SNX29: variants seen among roughly 807,000 people sequenced by gnomAD.
SNX29 encodes the protein sorting nexin-29.
SNX29 carries 78 observed loss-of-function variants against 102.1 expected under a neutral mutation model. The ratio of observed to expected loss-of-function variants is 0.76; its 90% CI spans 0.64 to 0.92. SNX29 has a LOEUF of 0.92. SNX29 is among the 40% of genes least tolerant of loss of function. The pLI, the probability that SNX29 is intolerant of heterozygous loss-of-function variation, is 0.00. For missense variants in SNX29, 1,280 were observed against 1,061.7 expected (o/e 1.21, Z -2.86); for synonymous variants, 580 against 414.5 (o/e 1.40, Z -4.85).
At chr16:12,372,791 G>A (rs889730135) in intron 16 of SNX29, 4 of 152,200 alleles carry the variant, frequency 2.6e-5, no homozygotes, top group African/African-American at 9.7e-5. Flanking sequence ...GGTATCAATC[G>A]ACATGGTTTG....
chr16:12,099,152 G>A (rs1426592544), intron 11 of SNX29, among the ~76,000 whole-genome samples: 1 of 152,226 alleles, frequency 6.6e-6, no homozygotes, highest in East Asian at 1.9e-4. Context: ...CTGAGGTTCT[G>A]TTTTCTCTTC....
In SNX29 at chr16:12,464,609, C is replaced by G. The variant is rs2086968325; in HGVS notation, c.2038-13110C>G. Among the ~76,000 whole-genome samples, 4 of 151,848 alleles carry G rather than the reference C, an allele frequency of 2.6e-5. 1 individual carries two copies. The highest frequency in any genetic ancestry group is 1.3e-4 in the Admixed American group (2 of 15,236). ...GCTGGGACTTACAGGCATGTACCACCACACCTGGCTAATTTTTAAACTTTT... is the reference window on the plus strand; with the variant it reads ...GCTGGGACTTACAGGCATGTACCACGACACCTGGCTAATTTTTAAACTTTT... On this transcript the variant is annotated intron_variant, in intron 18 of 20. Transcript: ENST00000566228.
chr16:12,514,495 A>AC (rs2089774836), intron 19 of SNX29, among the ~76,000 whole-genome samples: 1 of 151,306 alleles, frequency 6.6e-6, no homozygotes, highest in Non-Finnish European at 1.5e-5. Context: ...TCTTGTTTCT[A>AC]CCCCCCAACT....
At chr16:12,448,309 C>T (rs1653988332) in intron 18 of SNX29, among the ~76,000 whole-genome samples, 1 of 151,872 alleles carries the variant, frequency 6.6e-6, no homozygotes, top group Admixed American at 6.5e-5. Context: ...TCCTCAGATC[C>T]CTGTCTTTGG....
At chr16:12,448,464 G>C (rs568655582) in intron 18 of SNX29, among the ~76,000 whole-genome samples, 49 of 120,546 alleles carry the variant, frequency 4.1e-4, no homozygotes, top group African/African-American at 1.6e-3. Context: ...CAAGGCAATT[G>C]GGAACTCTTT....
intron 15 of SNX29, among the ~76,000 whole-genome samples, chr16:12,292,280 C>T (rs2079824249): frequency 6.6e-6 from 1 of 152,128 alleles, no homozygotes; most frequent in Admixed American, 6.6e-5. Context: ...TCCATAGTTC[C>T]TTTTTTAGCA....
In SNX29 at chr16:12,196,254, G is replaced by A. The variant is rs535697557; in HGVS notation, c.1596-3347G>A. Among the ~76,000 whole-genome samples the A allele has an allele frequency of 1.3e-3, 201 of 152,182 alleles. 1 individual carries two copies. The highest frequency in any genetic ancestry group is 2.1e-4 in the Non-Finnish European group (14 of 68,006). ...CCAGGTGGGTAGCATGAGCCACCAC[G>A]CCTGGTCTTCAGTTTTTTCATGTGT... is the stretch of plus-strand genomic sequence containing the variant. On this transcript the variant is annotated intron_variant, in intron 13 of 20. Transcript: ENST00000566228.
At chr16:12,429,850 T>C (rs962493837) in intron 18 of SNX29, among the ~76,000 whole-genome samples, 1 of 152,224 alleles carries the variant, frequency 6.6e-6, no homozygotes, top group African/African-American at 2.4e-5. Flanking sequence ...AGAAAGGGCA[T>C]GGACTTTTGT....
intron 20 of SNX29, among the ~76,000 whole-genome samples, chr16:12,544,618 A>G (rs960683050): frequency 6.6e-6 from 1 of 152,198 alleles, no homozygotes; most frequent in Non-Finnish European, 1.5e-5. Flanking sequence ...ACTCTGCGTC[A>G]TGCCTTGGGA....
chr16:12,350,196 A>G (rs1177504960), intron 15 of SNX29, among the ~76,000 whole-genome samples: 1 of 152,172 alleles, frequency 6.6e-6, no homozygotes, highest in East Asian at 1.9e-4. Context: ...GGCCCTCTGT[A>G]TCTGCGACTC....
At chr16:12,537,626 T>G (rs578113039) in intron 20 of SNX29, among the ~76,000 whole-genome samples, 2 of 152,250 alleles carry the variant, frequency 1.3e-5, no homozygotes, top group East Asian at 1.9e-4. Flanking sequence ...ATGATTGAGT[T>G]GGCAGCTTAG....
rs3891808 is a variant in SNX29, at chr16:12,044,124, G to A, written c.428+1047G>A. Reference sequence around the variant, plus strand: ...TTTGTGTCCTTGAGTGATACGGAGCGACACTGACGAATCCTGTTCTGGTTC... The same window carrying A: ...TTTGTGTCCTTGAGTGATACGGAGCAACACTGACGAATCCTGTTCTGGTTC... On this transcript the variant is annotated intron_variant, in intron 5 of 20. Transcript: ENST00000566228. Among the ~76,000 whole-genome samples, 299 of 152,284 alleles carry A rather than the reference G, an allele frequency of 2.0e-3. 2 individuals carry two copies. The highest frequency in any genetic ancestry group is 6.7e-3 in the African/African-American group (277 of 41,574).
At chr16:12,537,721 A>T (rs2077139202) in intron 20 of SNX29, among the ~76,000 whole-genome samples, 1 of 152,178 alleles carries the variant, frequency 6.6e-6, no homozygotes, top group Admixed American at 6.5e-5. Flanking sequence ...AGGGAAGCAG[A>T]GTAGGTATTT....
chr16:12,436,427 C>T (rs1362863843), intron 18 of SNX29, among the ~76,000 whole-genome samples: 3 of 152,236 alleles, frequency 2.0e-5, no homozygotes, highest in African/African-American at 7.2e-5. Flanking sequence ...GTGCTGCTGC[C>T]TGGTGGAGTG....
chr16:12,485,804 C>G (rs1157646137), intron 19 of SNX29, among the ~76,000 whole-genome samples: 2 of 152,164 alleles, frequency 1.3e-5, no homozygotes, highest in African/African-American at 2.4e-5. Flanking sequence ...CTGCAGGGAA[C>G]CTGGTGCAAT....
chr16:12,263,563 A>G (rs1253300735), intron 14 of SNX29, among the ~76,000 whole-genome samples: 1 of 152,214 alleles, frequency 6.6e-6, no homozygotes, highest in African/African-American at 2.4e-5. Context: ...GGGGTCTGGC[A>G]TGTGTACAAC....
chr16:12,531,464 A>G (rs1004904178), intron 20 of SNX29, among the ~76,000 whole-genome samples: 1 of 152,130 alleles, frequency 6.6e-6, no homozygotes, highest in African/African-American at 2.4e-5. Flanking sequence ...GGAAAGGGGG[A>G]CATGGGTTTG....
chr16:12,097,173 C>A (rs896465828), intron 11 of SNX29, among the ~76,000 whole-genome samples: 10 of 152,224 alleles, frequency 6.6e-5, no homozygotes, highest in African/African-American at 2.4e-4. Flanking sequence ...CTGAGTCTGT[C>A]CTTGTCACCC....
intron 20 of SNX29, among the ~76,000 whole-genome samples, chr16:12,535,944 A>G (rs1172032146): frequency 1.3e-5 from 2 of 152,210 alleles, no homozygotes; most frequent in African/African-American, 2.4e-5. Flanking sequence ...GGGGAGGGTT[A>G]AGGAACTTCT....
Sources: gnomAD v4.1 joint callset for allele counts (sites outside exome capture counted in the v4.1 genomes callset) on GRCh38, gnomAD v4.1.1 for gene constraint, MANE v1.5 for transcripts, NCBI Gene and HGNC (gene_info 2026-07-23, HGNC 2026-07-21) for gene names.